Variants in SLC35B4 observed in about 807,000 individuals in gnomAD.
The protein encoded by SLC35B4 is nucleotide sugar transporter SLC35B4.
SLC35B4 carries 28 observed loss-of-function variants against 39.5 expected under a neutral mutation model. That is an observed-to-expected ratio of 0.71 (90% CI 0.53 to 0.97). The LOEUF is 0.97. Ranked by LOEUF, SLC35B4 falls within the 50% of genes least tolerant of loss-of-function variation. The pLI is 0.00. For synonymous variants in SLC35B4, 145 were observed against 150.4 expected (o/e 0.96, Z 0.26); for missense variants, 334 against 414.3 (o/e 0.81, Z 1.68).
In SLC35B4 at chr7:134,291,840, C is replaced by CTAA. The variant is rs1803337639; in HGVS notation, c.*2990_*2992dup. 6.6e-6 allele frequency: 1 copy of CTAA among 152,174 alleles called. No homozygotes were observed. Among genetic ancestry groups the CTAA allele is most frequent in the South Asian group, 2.1e-4 (1 of 4,834 alleles). The allele number at this position is 152,174 out of a possible 1,614,324, so 9.4% of individuals were successfully genotyped here. The stretch of plus-strand genomic sequence containing the variant: ...TAAACATGAAAAAGATAACATGTTT[C>CTAA]TAATATGACAATAGAGTTTTGGCCA... On this transcript the variant is annotated 3_prime_UTR_variant, in exon 10 of 10. Transcript: ENST00000378509.
intron 9 of SLC35B4, among the ~76,000 whole-genome samples, chr7:134,295,578 A>G (rs1028959033): frequency 1.3e-5 from 2 of 152,008 alleles, no homozygotes; most frequent in Admixed American, 1.3e-4. Context: ...CGAAAACTTG[A>G]TTACTTTGAA....
At position 134,294,192 on chromosome 7, in the gene SLC35B4, A is replaced by AG. The variant is rs1280570190; in HGVS notation, c.*640dup. 6.6e-6 allele frequency: 1 copy of AG among 151,808 alleles called. No individual in the cohort carries two copies. Among genetic ancestry groups the AG allele is most frequent in the Non-Finnish European group, 1.5e-5 (1 of 68,338 alleles). 9.4% of individuals were successfully genotyped at this position (151,808 alleles called of 1,614,324 possible). A position where few individuals can be genotyped will look rare whatever the true frequency, so the allele number is the denominator to read the frequency against. The stretch of plus-strand genomic sequence containing the variant: ...GGATAGAAGCATCTGACTTTTGCAT[A>AG]GAAAAAAAAAAAAGCAAAATGTGGG... On this transcript the variant is annotated 3_prime_UTR_variant, in exon 10 of 10. Transcript: ENST00000378509.
chr7:134,300,465 A>T (rs1585636731), intron 6 of SLC35B4, among the ~76,000 whole-genome samples: 2 of 152,294 alleles, frequency 1.3e-5, no homozygotes, highest in East Asian at 3.9e-4. Context: ...CATTTATGTA[A>T]ATTTTTTTAC....
At chr7:134,304,780 C>T (rs1258648754) in intron 4 of SLC35B4, 25 bp downstream of exon 4, 1 of 1,564,718 alleles carries the variant, frequency 6.4e-7, no homozygotes, top group East Asian at 2.2e-5. Flanking sequence ...TTTCCATACA[C>T]AAAATACAGA....
At chr7:134,299,390 G>T in intron 8 of SLC35B4, 133 bp downstream of exon 8, 1 of 553,230 alleles carries the variant, frequency 1.8e-6, no homozygotes, top group African/African-American at 1.9e-5. Flanking sequence ...CTGGAAAGTG[G>T]AATGGAGACA....
In SLC35B4 at chr7:134,299,578, A is replaced by C. The variant is rs778472833; in HGVS notation, c.618T>G (p.Gly206=). 6.2e-7 allele frequency: 1 copy of C among 1,614,014 alleles called. No individual in the cohort carries two copies. Among genetic ancestry groups the C allele is most frequent in the Admixed American group, 1.7e-5 (1 of 60,034 alleles). ...AAATATCAGAAGCCAAGAAGACGAA[A>C]CCCGGAAGTGGAAGGGCGTGCTATG... is the stretch of plus-strand genomic sequence containing the variant. The part of the protein sequence containing the change: ...LFYNHALPLP[G]FVFLASDIYD... The change falls in exon 8 of 10, where the codon GGT becomes GGG. Residue 206 remains glycine (G), a synonymous_variant. Coordinates refer to ENST00000378509, the MANE Select transcript of SLC35B4 (RefSeq NM_032826.5).
chr7:134,296,564 G>C (rs1803470766), intron 8 of SLC35B4, 98 bp from the exon 9 acceptor site: 1 of 789,532 alleles, frequency 1.3e-6, no homozygotes, highest in Non-Finnish European at 2.1e-6. Context: ...AATAGGAACA[G>C]CAACATTGTC....
chr7:134,310,546 C>CT (rs1275292627), intron 1 of SLC35B4, among the ~76,000 whole-genome samples: 1,797 of 140,820 alleles, frequency 0.013, 36 homozygotes, highest in African/African-American at 0.038. Context: ...GTGTTTTCAT[C>CT]TTTTTTTTTT....
chr7:134,295,460 G>A (rs939654656), intron 9 of SLC35B4, among the ~76,000 whole-genome samples: 4 of 152,012 alleles, frequency 2.6e-5, no homozygotes, highest in Non-Finnish European at 5.9e-5. Flanking sequence ...GCAAATCTAG[G>A]AGCTGACTTC....
At chr7:134,312,976 C>T (rs1803880046) in intron 1 of SLC35B4, among the ~76,000 whole-genome samples, 1 of 152,176 alleles carries the variant, frequency 6.6e-6, no homozygotes, top group African/African-American at 2.4e-5. Context: ...CCATTTCTTC[C>T]TTTTCCCAGT....
chr7:134,300,739 G>A (rs1369361255), intron 6 of SLC35B4, among the ~76,000 whole-genome samples: 1 of 152,110 alleles, frequency 6.6e-6, no homozygotes, highest in Non-Finnish European at 1.5e-5. Context: ...TGGAATTACT[G>A]AGTCAAAGGC....
In SLC35B4 at chr7:134,300,274, C is replaced by T; in HGVS notation, c.488-13G>A. 6.4e-7 allele frequency: 1 copy of T among 1,562,518 alleles called. No individual in the cohort carries two copies. On this transcript the variant is annotated splice_polypyrimidine_tract_variant and intron_variant, in intron 6 of 9. Coordinates refer to ENST00000378509, the MANE Select transcript of SLC35B4 (RefSeq NM_032826.5). ...AATGCCCCAATACCTAAAAAACAAA[C>T]ATCAGGTGACAAGATGTCTGCATTT...
In SLC35B4 at chr7:134,301,793, T is replaced by C. The variant is rs769579392; in HGVS notation, c.455A>G (p.Asp152Gly). 1.9e-6 allele frequency: 3 copies of C among 1,614,034 alleles called. No homozygotes were observed. The highest frequency in any genetic ancestry group is 2.5e-6 in the Non-Finnish European group (3 of 1,179,948). Residue 152 changes from aspartate to glycine, a missense_variant, in exon 6 of 10, where the codon GAT (aspartate) becomes GGT (glycine). Asp to Gly is a moderately conservative substitution (Grantham distance 94, BLOSUM62 -1). Coordinates refer to ENST00000378509, the MANE Select transcript of SLC35B4 (RefSeq NM_032826.5). ...VTSQSSLSENDGFQAFVWWLL... is the reference protein window; with the variant it reads ...VTSQSSLSENGGFQAFVWWLL... Reference sequence around the variant, plus strand: ...CCACCACACAAATGCCTGGAATCCATCATTCTCACTCAAGCTGGACTGGGA... The same window carrying C: ...CCACCACACAAATGCCTGGAATCCACCATTCTCACTCAAGCTGGACTGGGA...
upstream of SLC35B4, among the ~76,000 whole-genome samples, chr7:134,317,803 G>T (rs554181676): frequency 6.0e-4 from 89 of 148,772 alleles, no homozygotes; most frequent in Non-Finnish European, 1.1e-3. Flanking sequence ...AGCTAGTGCG[G>T]CACTATTCTT....
intron 1 of SLC35B4, among the ~76,000 whole-genome samples, chr7:134,314,054 T>C (rs936871196): frequency 6.8e-6 from 1 of 147,494 alleles, no homozygotes; most frequent in Non-Finnish European, 1.5e-5. Context: ...TAAGTGATGA[T>C]TTATTTACAA....
intron 2 of SLC35B4, among the ~76,000 whole-genome samples, chr7:134,307,550 T>C (rs536882057): frequency 1.3e-5 from 2 of 152,320 alleles, no homozygotes; most frequent in South Asian, 2.1e-4. Context: ...AGAAATTTCA[T>C]ATGACTCAAC....
In SLC35B4 at chr7:134,301,636, G is replaced by A. The variant is rs893459124; in HGVS notation, c.487+125C>T. ...AAGGCTCAGAGAAATATGATCCCAG[G>A]TGCCTCTCTTCCATGGCATAATTTG... On this transcript the variant is annotated intron_variant, in intron 6 of 9. Transcript: ENST00000378509. The A allele has an allele frequency of 3.6e-6, 3 of 822,522 alleles. No individual in the cohort carries two copies. In the East Asian group the frequency reaches 7.3e-5, roughly 20 times the overall value. 51.0% of individuals were successfully genotyped at this position (822,522 alleles called of 1,614,324 possible).
chr7:134,293,389 T>C lies in SLC35B4; in HGVS notation c.*1444A>G, dbSNP rs1803378038. 6.6e-6 allele frequency: 1 copy of C among 152,208 alleles called. No homozygotes were observed. The highest frequency in any genetic ancestry group is 2.1e-4 in the South Asian group (1 of 4,830). 9.4% of individuals were successfully genotyped at this position (152,208 alleles called of 1,614,324 possible). A position where few individuals can be genotyped will look rare whatever the true frequency, so the allele number is the denominator to read the frequency against. On this transcript the variant is annotated 3_prime_UTR_variant, in exon 10 of 10. Coordinates refer to ENST00000378509, the MANE Select transcript of SLC35B4 (RefSeq NM_032826.5). ...CAAGATTGTCCAGTGAAAGGAAAAC[T>C]GGACCTCTGAAATGATTAGCAAAGA...
In SLC35B4 at chr7:134,294,953, G is replaced by A. The variant is rs1348610623; in HGVS notation, c.876C>T (p.Phe292=). The A allele has an allele frequency of 6.2e-7, 1 of 1,614,202 alleles. No homozygotes were observed. The change falls in exon 10 of 10, where the codon TTC becomes TTT. Residue 292 remains phenylalanine, a synonymous_variant. Coordinates refer to ENST00000378509, the MANE Select transcript of SLC35B4 (RefSeq NM_032826.5). ...IFSILYFQNP[F]TLWHWLGTLF... ...AGGTGCCCAGCCAGTGCCACAGGGT[G>A]AAGGGGTTCTGGAAGTACAAGATGG...
Sources: allele counts gnomAD v4.1 joint callset (sites outside exome capture counted in the v4.1 genomes callset), GRCh38; gene constraint gnomAD v4.1.1; transcripts MANE v1.5; gene names NCBI Gene and HGNC (gene_info 2026-07-23, HGNC 2026-07-21).